KCNIP1: variants seen among roughly 807,000 people sequenced by gnomAD.
The protein encoded by KCNIP1 is A-type potassium channel modulatory protein KCNIP1.
Under a neutral mutation model 33.0 loss-of-function variants are expected in KCNIP1, and 18 were observed. The ratio of observed to expected loss-of-function variants is 0.55; its 90% CI spans 0.38 to 0.81. The LOEUF is 0.81. Ranked by LOEUF, KCNIP1 falls within the 30% of genes least tolerant of loss-of-function variation. KCNIP1 has a pLI of 0.00. For synonymous variants in KCNIP1, 93 were observed against 98.3 expected, an observed-to-expected ratio of 0.95 and a Z score of 0.32; for missense variants, 238 against 271.6, an observed-to-expected ratio of 0.88 and a Z score of 0.87.
upstream of KCNIP1, among the ~76,000 whole-genome samples, chr5:170,500,387 C>CA (rs1328314369): frequency 1.3e-5 from 2 of 152,292 alleles, no homozygotes; most frequent in Middle Eastern, 3.4e-3. Flanking sequence ...TGAGCTAGTT[C>CA]ACCTTCCAGA....
At chr5:170,707,421 G>A (rs1250057697) in intron 1 of KCNIP1, among the ~76,000 whole-genome samples, 1 of 152,178 alleles carries the variant, frequency 6.6e-6, no homozygotes, top group Non-Finnish European at 1.5e-5. Flanking sequence ...CTGGAATCTA[G>A]ATAATTCCTT....
chr5:170,434,762 C>T (rs1655439116), intron 1 of KCNIP1, among the ~76,000 whole-genome samples: 1 of 152,136 alleles, frequency 6.6e-6, no homozygotes, highest in Admixed American at 6.5e-5. Flanking sequence ...TGAGACCAGC[C>T]TGGTCAACAT....
rs200168199 is a variant in KCNIP1, at chr5:170,552,008, TGA to T, written c.61+47377_61+47378del. 7.6e-3 allele frequency among the ~76,000 whole-genome samples: 1,125 copies of T among 147,326 alleles called. 20 individuals are homozygous for T. Among genetic ancestry groups the T allele is most frequent in the African/African-American group, 0.028 (1,063 of 37,836 alleles). Reference sequence around the variant, plus strand: ...CGTGTGTTGTGTGCGTATGTGTGTGTGAGTGTGAGAGAGAATGTGTGTGTGTG... The same window carrying T: ...CGTGTGTTGTGTGCGTATGTGTGTGTGTGTGAGAGAGAATGTGTGTGTGTG... On this transcript the variant is annotated intron_variant, in intron 1 of 7. Transcript: ENST00000328939.
intron 1 of KCNIP1, among the ~76,000 whole-genome samples, chr5:170,718,380 G>A (rs1763702843): frequency 6.6e-6 from 1 of 152,166 alleles, no homozygotes; most frequent in African/African-American, 2.4e-5. Context: ...GTCTAGAGGT[G>A]TTTATCATTC....
chr5:170,616,557 G>A (rs1021331101), intron 1 of KCNIP1, among the ~76,000 whole-genome samples: 9 of 152,156 alleles, frequency 5.9e-5, no homozygotes, highest in South Asian at 2.1e-4. Context: ...GCATCTCTGC[G>A]TTCACGTCTG....
intron 1 of KCNIP1, among the ~76,000 whole-genome samples, chr5:170,521,669 A>G (rs1425943984): frequency 3.3e-5 from 5 of 152,224 alleles, no homozygotes; most frequent in Admixed American, 1.3e-4. Context: ...TAGGAGTGAC[A>G]CAAGAGATGG....
intron 1 of KCNIP1, among the ~76,000 whole-genome samples, chr5:170,401,923 CAG>C (rs1391832480): frequency 6.6e-6 from 1 of 152,160 alleles, no homozygotes; most frequent in African/African-American, 2.4e-5. Flanking sequence ...TATTTCCTCA[CAG>C]CTCTGGAGGC....
rs916298528 is a variant in KCNIP1, at chr5:170,715,046, G to A, written c.62-3712G>A. 2.6e-5 allele frequency among the ~76,000 whole-genome samples: 4 copies of A among 152,128 alleles called. No homozygotes were observed. The East Asian group carries it at 5.8e-4, about 22-fold the overall frequency. ...CCTGTAACTTCCATTCATGGTAAGT[G>A]CCCTAATAGTTGTACCATTTTTTAT... On this transcript the variant is annotated intron_variant, in intron 1 of 7. Coordinates refer to ENST00000328939, the MANE Select transcript of KCNIP1 (RefSeq NM_014592.4).
At chr5:170,434,736 G>A (rs894326148) in intron 1 of KCNIP1, among the ~76,000 whole-genome samples, 2 of 152,078 alleles carry the variant, frequency 1.3e-5, no homozygotes, top group Non-Finnish European at 2.9e-5. Flanking sequence ...GGATGGATCA[G>A]TTGAGGTCAG....
intron 1 of KCNIP1, among the ~76,000 whole-genome samples, chr5:170,520,985 G>A (rs1215448712): frequency 6.6e-6 from 1 of 152,166 alleles, no homozygotes. Flanking sequence ...TTGCTGTGGG[G>A]CTTAATTGAG....
intron 1 of KCNIP1, among the ~76,000 whole-genome samples, chr5:170,704,807 C>T (rs1763203396): frequency 6.6e-6 from 1 of 152,192 alleles, no homozygotes; most frequent in South Asian, 2.1e-4. Flanking sequence ...GATAGAGCCC[C>T]CTCCCCCACC....
intron 1 of KCNIP1, chr5:170,385,383 G>C: frequency 3.7e-6 from 6 of 1,614,062 alleles, no homozygotes; most frequent in Non-Finnish European, 5.1e-6. Context: ...CACCACCATG[G>C]TTACACCCAG....
intron 1 of KCNIP1, among the ~76,000 whole-genome samples, chr5:170,548,708 TCAAG>T (rs2113404606): frequency 6.6e-6 from 1 of 152,336 alleles, no homozygotes; most frequent in East Asian, 1.9e-4. Context: ...TCTTTGAGGT[TCAAG>T]TTTTATGTTG....
intron 1 of KCNIP1, among the ~76,000 whole-genome samples, chr5:170,407,929 A>G (rs866051106): frequency 1.3e-5 from 2 of 152,228 alleles, no homozygotes; most frequent in South Asian, 4.1e-4. Context: ...TGTCCCTCAA[A>G]AAGCATGGGC....
chr5:170,652,903 C>A (rs975115670), intron 1 of KCNIP1, among the ~76,000 whole-genome samples: 2 of 152,220 alleles, frequency 1.3e-5, no homozygotes, highest in Non-Finnish European at 2.9e-5. Context: ...TGGGTGCATA[C>A]CCCCACCTTG....
At chr5:170,717,411 G>A (rs575290638) in intron 1 of KCNIP1, among the ~76,000 whole-genome samples, 6 of 152,198 alleles carry the variant, frequency 3.9e-5, no homozygotes, top group Middle Eastern at 3.4e-3. Context: ...TCTCTGTGGC[G>A]TAAACAGTAT....
intron 1 of KCNIP1, among the ~76,000 whole-genome samples, chr5:170,699,046 C>T (rs1324584628): frequency 2.6e-5 from 4 of 151,974 alleles, no homozygotes; most frequent in East Asian, 1.9e-4. Flanking sequence ...ATCCCAGGGC[C>T]GCTGAGGACT....
chr5:170,582,241 A>G (rs756159025), intron 1 of KCNIP1, among the ~76,000 whole-genome samples: 1 of 152,214 alleles, frequency 6.6e-6, no homozygotes, highest in Non-Finnish European at 1.5e-5. Flanking sequence ...GACAGTTGAT[A>G]TGTAGATAGT....
At chr5:170,539,988 T>A (rs1463949970) in intron 1 of KCNIP1, among the ~76,000 whole-genome samples, 5 of 152,266 alleles carry the variant, frequency 3.3e-5, no homozygotes, top group African/African-American at 4.8e-5. Context: ...AAAGATTTTT[T>A]AAATAATAAT....
Sources: gnomAD v4.1 joint callset for allele counts (sites outside exome capture counted in the v4.1 genomes callset) on GRCh38, gnomAD v4.1.1 for gene constraint, MANE v1.5 for transcripts, NCBI Gene and HGNC (gene_info 2026-07-23, HGNC 2026-07-21) for gene names.